Variants in BUD23 observed in about 807,000 individuals in gnomAD.
BUD23 encodes 18S rRNA (guanine-N(7))-methyltransferase.
Under a neutral mutation model 47.0 loss-of-function variants are expected in BUD23, and 34 were observed. The observed-to-expected ratio is 0.72, with a 90% confidence interval of 0.55 to 0.96. The LOEUF is 0.96. Among genes scored for constraint, BUD23 ranks in the 40% least tolerant of loss-of-function variants. The pLI, the probability that BUD23 is intolerant of heterozygous loss-of-function variation, is 0.00. For synonymous variants in BUD23, 124 were observed against 132.0 expected (o/e 0.94, Z 0.41); for missense variants, 343 against 361.2 (o/e 0.95, Z 0.41).
rs74875868 is a variant in BUD23 at position 73,690,631 on chromosome 7, A to G, written c.363-285A>G. ...GGACCTGCACTTTTTTTGTCTTTAA[A>G]TTTTTAAATTTAAAAATACTTTAAG... On this transcript the variant is annotated intron_variant, in intron 5 of 11. Coordinates refer to ENST00000265758, the MANE Select transcript of BUD23 (RefSeq NM_017528.5). Among the ~76,000 whole-genome samples, 630 of 152,194 alleles carry G rather than the reference A, an allele frequency of 4.1e-3. 5 individuals are homozygous for G. The highest frequency in any genetic ancestry group is 7.0e-3 in the Non-Finnish European group (473 of 68,010).
chr7:73,691,879 A>G (rs35372866), intron 6 of BUD23, among the ~76,000 whole-genome samples: 2,659 of 152,254 alleles, frequency 0.017, 47 homozygotes, highest in Non-Finnish European at 0.031. Context: ...TGATGGGATT[A>G]TAGGCGTAAG....
chr7:73,697,682 G>T lies in BUD23; in HGVS notation c.779G>T (p.Arg260Met), dbSNP rs1230810168. ...AWVLEKKERHRRQGREVRPDT... is the reference protein window; with the variant it reads ...AWVLEKKERHMRQGREVRPDT... ...GTGCTGGAGAAGAAGGAGCGGCACA[G>T]GCGCCAGGGCAGGTGAGTGCCAGCC... Residue 260 changes from arginine (R) to methionine (M), a missense_variant, in exon 11 of 12, where the codon AGG becomes ATG. Coordinates refer to ENST00000265758, the MANE Select transcript of BUD23 (RefSeq NM_017528.5). 3 of 1,613,474 alleles carry T rather than the reference G, an allele frequency of 1.9e-6. No individual in the cohort carries two copies. Among genetic ancestry groups the T allele is most frequent in the Non-Finnish European group, 2.5e-6 (3 of 1,179,902 alleles).
intron 5 of BUD23, among the ~76,000 whole-genome samples, chr7:73,690,344 CAGGTAGAGTGG>C (rs1798142090): frequency 6.6e-6 from 1 of 152,042 alleles, no homozygotes; most frequent in Non-Finnish European, 1.5e-5. Flanking sequence ...AGACACTTAA[CAGGTAGAGTGG>C]AAGGGAGTGA....
intron 2 of BUD23, 115 bp downstream of exon 2, chr7:73,683,919 C>T (rs1435988741): frequency 2.5e-6 from 4 of 1,597,236 alleles, no homozygotes; most frequent in Non-Finnish European, 2.6e-6. Flanking sequence ...AAGGGAAGGA[C>T]CCGGGTGGGT....
chr7:73,684,915 C>CTTTTTTTTTTTTTTTTTTTTTTTTTTTT (rs1797893665), intron 2 of BUD23, among the ~76,000 whole-genome samples: 1 of 84,140 alleles, frequency 1.2e-5, no homozygotes, highest in Non-Finnish European at 2.0e-5. Flanking sequence ...CAGAGCAAGA[C>CTTTTTTTTTTTTTTTTTTTTTTTTTTTT]TTTGTTTCAA....
chr7:73,694,126 C>G lies in BUD23; in HGVS notation c.701+76C>G. 3 of 1,491,632 alleles carry G rather than the reference C, an allele frequency of 2.0e-6. No homozygotes were observed. In the South Asian group the frequency reaches 3.7e-5, roughly 18 times the overall value. 92.4% of individuals were successfully genotyped at this position (1,491,632 alleles called of 1,614,324 possible). A position where few individuals can be genotyped will look rare whatever the true frequency, so the allele number is the denominator to read the frequency against. ...TGTTAGACATGGACTTTCTCTCTGC[C>G]CTCACCCAAGCCTCTCAGGTCACAT... is the stretch of plus-strand genomic sequence containing the variant. On this transcript the variant is annotated intron_variant, in intron 10 of 11. Coordinates refer to ENST00000265758, the MANE Select transcript of BUD23 (RefSeq NM_017528.5).
intron 10 of BUD23, 187 bp downstream of exon 10, chr7:73,694,237 T>A: frequency 1.7e-6 from 1 of 597,246 alleles, no homozygotes. Context: ...GGGTCCTGGA[T>A]GTCTGGGTGC....
At chr7:73,683,892 G>T in intron 2 of BUD23, 88 bp downstream of exon 2, 1 of 1,611,468 alleles carries the variant, frequency 6.2e-7, no homozygotes. Context: ...AAAGGCCGTA[G>T]AATTTGGGGG....
At chr7:73,685,201 A>G (rs1797916292) in intron 2 of BUD23, among the ~76,000 whole-genome samples, 1 of 152,044 alleles carries the variant, frequency 6.6e-6, no homozygotes, top group South Asian at 2.1e-4. Flanking sequence ...AATCACTTGA[A>G]CCTGAGAGGC....
intron 10 of BUD23, chr7:73,696,968 TG>T (rs1230137560): frequency 1.1e-5 from 2 of 178,338 alleles, no homozygotes; most frequent in Non-Finnish European, 2.4e-5. Flanking sequence ...TTGTACTCTT[TG>T]TAGAATCTTG....
intron 2 of BUD23, among the ~76,000 whole-genome samples, chr7:73,684,617 A>AAAG (rs1554612517): frequency 3.0e-4 from 26 of 86,578 alleles, no homozygotes; most frequent in Admixed American, 1.3e-3. Flanking sequence ...AAAAAAAAAA[A>AAAG]GGGGGGGGGA....
chr7:73,686,756 A>T (rs546528036), intron 3 of BUD23, 25 bp downstream of exon 3: 2 of 1,613,954 alleles, frequency 1.2e-6, no homozygotes, highest in African/African-American at 1.3e-5. Context: ...CCTGGTTCAG[A>T]TTGTCTAAGG....
rs12540944 is a variant in BUD23, at chr7:73,683,797, G to T, written c.79G>T (p.Val27Phe). 1 of 1,614,044 alleles carries T rather than the reference G, an allele frequency of 6.2e-7. No homozygotes were observed. The highest frequency in any genetic ancestry group is 8.5e-7 in the Non-Finnish European group (1 of 1,180,058). Residue 27 changes from valine to phenylalanine, a missense_variant, in exon 2 of 12, where the codon GTT becomes TTT. Transcript: ENST00000265758. The stretch of plus-strand genomic sequence containing the variant: ...TGACGAGACAGAAGCCCGGAAATAC[G>T]TTCGCAAGTGAGGGGAGCCTGAATA... ...FYDETEARKY[V>F]RNSRMIDIQT...
At chr7:73,689,448 G>A (rs1031065415) in intron 5 of BUD23, among the ~76,000 whole-genome samples, 1 of 151,980 alleles carries the variant, frequency 6.6e-6, no homozygotes. Flanking sequence ...GACTCTCCAC[G>A]GTTTATTAGG....
At chr7:73,692,568 A>G (rs782353589) in intron 6 of BUD23, 28 bp from the exon 7 acceptor site, 3 of 1,611,232 alleles carry the variant, frequency 1.9e-6, no homozygotes, top group Non-Finnish European at 2.5e-6. Flanking sequence ...AGTCATTTGT[A>G]AGACAGTGAT....
rs1563557179 is a variant in BUD23, at chr7:73,692,658, G to A, written c.510+12G>A. 4 of 1,611,904 alleles carry A rather than the reference G, an allele frequency of 2.5e-6. No homozygotes were observed. The highest frequency in any genetic ancestry group is 2.5e-6 in the Non-Finnish European group (3 of 1,178,338). ...AGAACTCAGAGCAGGTGAGTCCCTCGGCTACTGGGTGTGCCGGGGAGTTGG... is the reference window on the plus strand; with the variant it reads ...AGAACTCAGAGCAGGTGAGTCCCTCAGCTACTGGGTGTGCCGGGGAGTTGG... On this transcript the variant is annotated intron_variant, in intron 7 of 11. Coordinates refer to ENST00000265758, the MANE Select transcript of BUD23 (RefSeq NM_017528.5).
In BUD23 at chr7:73,690,842, T is replaced by C; in HGVS notation, c.363-74T>C. The C allele has an allele frequency of 3.4e-6, 4 of 1,172,030 alleles. No homozygotes were observed. The Admixed American group carries it at 7.1e-5, about 21-fold the overall frequency. The allele number at this position is 1,172,030 out of a possible 1,614,324, so 72.6% of individuals were successfully genotyped here. Reference sequence around the variant, plus strand: ...TCTCTTGGAGAGCCAGGACGGATGATGTCAAGAGGCTTGAAGTGGTTGGGG... The same window carrying C: ...TCTCTTGGAGAGCCAGGACGGATGACGTCAAGAGGCTTGAAGTGGTTGGGG... On this transcript the variant is annotated intron_variant, in intron 5 of 11. Coordinates refer to ENST00000265758, the MANE Select transcript of BUD23 (RefSeq NM_017528.5).
chr7:73,694,522 C>T (rs1181305849), intron 10 of BUD23: 2 of 154,264 alleles, frequency 1.3e-5, no homozygotes, highest in Admixed American at 6.5e-5. Context: ...TTGTTGCTTC[C>T]CTTCATAGCA....
intron 10 of BUD23, chr7:73,695,870 C>CGGGG (rs1264173150): frequency 2.6e-5 from 4 of 152,194 alleles, no homozygotes; most frequent in African/African-American, 9.7e-5. Context: ...GTTGTGCTCC[C>CGGGG]CGCTCATGTT....
Sources: allele counts gnomAD v4.1 joint callset (sites outside exome capture counted in the v4.1 genomes callset), GRCh38; gene constraint gnomAD v4.1.1; transcripts MANE v1.5; gene names NCBI Gene and HGNC (gene_info 2026-07-23, HGNC 2026-07-21).